TOP1: variants seen among roughly 807,000 people sequenced by gnomAD.
TOP1 encodes DNA topoisomerase I.
In TOP1, 10 loss-of-function variants were observed where a neutral mutation model predicts 111.1. The ratio of observed to expected loss-of-function variants is 0.09; its 90% CI spans 0.06 to 0.15. TOP1 has a LOEUF of 0.15. Ranked by LOEUF, TOP1 falls within the 10% of genes least tolerant of loss-of-function variation. TOP1 has a pLI of 1.00. For missense variants in TOP1, 474 were observed against 926.7 expected (o/e 0.51, Z 6.34); for synonymous variants, 271 against 302.9 (o/e 0.89, Z 1.10).
chr20:41,090,406 A>G (rs1173090435), intron 8 of TOP1, among the ~76,000 whole-genome samples: 1 of 152,172 alleles, frequency 6.6e-6, no homozygotes, highest in African/African-American at 2.4e-5. Flanking sequence ...CCTTTATCAG[A>G]TACATGATTT....
intron 2 of TOP1, among the ~76,000 whole-genome samples, chr20:41,048,420 T>C (rs1043742006): frequency 6.6e-6 from 1 of 152,170 alleles, no homozygotes; most frequent in Non-Finnish European, 1.5e-5. Context: ...AAATTTTCCT[T>C]TTACCTAAAT....
chr20:41,092,553 G>A lies in TOP1; in HGVS notation c.696G>A (p.Glu232=), dbSNP rs1188030229. 1.2e-6 allele frequency: 2 copies of A among 1,600,156 alleles called. No homozygotes were observed. The highest frequency in any genetic ancestry group is 2.7e-5 in the African/African-American group (2 of 74,198). The stretch of plus-strand genomic sequence containing the variant: ...GTCCAGTATTTGCCCCACCATATGA[G>A]CCTCTTCCAGAGAATGTCAAGTTTT... ...HKGPVFAPPY[E]PLPENVKFYY... The change falls in exon 9 of 21, where the codon GAG becomes GAA. Residue 232 remains glutamate (E), a synonymous_variant. Transcript: ENST00000361337. This position sits in a 1 kb window ranked among gnomAD's most constrained non-coding sequence, Gnocchi z 4.3.
At position 41,118,186 on chromosome 20, in the gene TOP1, G is replaced by T; in HGVS notation, c.1840G>T (p.Ala614Ser). The change falls in exon 18 of 21, where the codon GCG becomes TCG. Residue 614 changes from alanine to serine, a missense_variant. Physicochemically the swap from Ala to Ser is moderately conservative, Grantham distance 99. This residue lies in a region of TOP1 where 18 missense variants were observed against 20.5 expected (regional missense o/e 0.88). Transcript: ENST00000361337. The surrounding 1 kb of genome is among the most constrained non-coding windows in gnomAD (Gnocchi z 4.6). ...ELTAPDENIP[A>S]KILSYNRANR... ...CTTTACAGCGGATGAGAACATCCCA[G>T]CGAAGATCCTTTCTTATAACCGTGC... 1 of 1,614,078 alleles carries T rather than the reference G, an allele frequency of 6.2e-7. No homozygotes were observed. The highest frequency in any genetic ancestry group is 8.5e-7 in the Non-Finnish European group (1 of 1,179,940).
In TOP1 at chr20:41,116,110, TC is replaced by T. The variant is rs1241657901; in HGVS notation, c.1708-167del. ...GATTGAAATACTTCATAGAGAGGCA[TC>T]ATGTAACCCTGTATTCTGGAATTCT... On this transcript the variant is annotated intron_variant, in intron 16 of 20. Coordinates refer to ENST00000361337, the MANE Select transcript of TOP1 (RefSeq NM_003286.4). This position sits in a 1 kb window ranked among gnomAD's most constrained non-coding sequence, Gnocchi z 5.6. 1.3e-5 allele frequency among the ~76,000 whole-genome samples: 2 copies of T among 152,168 alleles called. No individual in the cohort carries two copies. The highest frequency in any genetic ancestry group is 2.9e-5 in the Non-Finnish European group (2 of 68,018).
rs946502837 is a variant in TOP1, at chr20:41,114,538, A to G, written c.1638+383A>G. 6.6e-6 allele frequency among the ~76,000 whole-genome samples: 1 copy of G among 152,236 alleles called. No homozygotes were observed. Among genetic ancestry groups the G allele is most frequent in the Non-Finnish European group, 1.5e-5 (1 of 68,042 alleles). On this transcript the variant is annotated intron_variant, in intron 15 of 20. Transcript: ENST00000361337. This position sits in a 1 kb window ranked among gnomAD's most constrained non-coding sequence, Gnocchi z 4.5. Reference sequence around the variant, plus strand: ...GCCCTGTGCTACCTTCCTGGTAAGGAGTGGCCTTCTCCTATAGCAGTATTC... The same window carrying G: ...GCCCTGTGCTACCTTCCTGGTAAGGGGTGGCCTTCTCCTATAGCAGTATTC...
intron 4 of TOP1, among the ~76,000 whole-genome samples, chr20:41,076,581 T>G (rs2033729818): frequency 6.6e-6 from 1 of 152,218 alleles, no homozygotes. Flanking sequence ...GGAGAAGGCC[T>G]AATGCCTTGA....
chr20:41,044,113 C>G (rs1378035219), intron 2 of TOP1, among the ~76,000 whole-genome samples: 2 of 152,002 alleles, frequency 1.3e-5, no homozygotes, highest in Non-Finnish European at 2.9e-5. Flanking sequence ...CCCATCTCTA[C>G]TAAAAATACA....
chr20:41,089,976 G>GT (rs951843129), intron 8 of TOP1, among the ~76,000 whole-genome samples: 48 of 150,900 alleles, frequency 3.2e-4, no homozygotes, highest in East Asian at 1.4e-3. Context: ...ACCCCCACGT[G>GT]TTTTTTTTTG....
intron 8 of TOP1, among the ~76,000 whole-genome samples, chr20:41,089,020 C>CGTTTTTTTTTTTTT (rs2033883300): frequency 1.3e-5 from 1 of 77,926 alleles, no homozygotes; most frequent in African/African-American, 6.3e-5. Flanking sequence ...TGCCCCAGTT[C>CGTTTTTTTTTTTTT]TTTTTTTTTT....
rs1358888158 is a variant in TOP1 at position 41,121,907 on chromosome 20, T to C, written c.2046-99T>C. 13 of 1,562,952 alleles carry C rather than the reference T, an allele frequency of 8.3e-6. No homozygotes were observed. Among genetic ancestry groups the C allele is most frequent in the Admixed American group, 1.8e-5 (1 of 54,748 alleles). The stretch of plus-strand genomic sequence containing the variant: ...CTGAGAAATGTCTTTTGGAAATCTC[T>C]ATACTAGGGCTTTTATTGACTCAAA... On this transcript the variant is annotated intron_variant, in intron 19 of 20. Coordinates refer to ENST00000361337, the MANE Select transcript of TOP1 (RefSeq NM_003286.4). The surrounding 1 kb of genome is among the most constrained non-coding windows in gnomAD (Gnocchi z 4.2).
chr20:41,081,659 G>A (rs2033790289), intron 7 of TOP1, among the ~76,000 whole-genome samples: 1 of 152,034 alleles, frequency 6.6e-6, no homozygotes, highest in African/African-American at 2.4e-5. Flanking sequence ...TCTTTAATGG[G>A]TACCCCTTTG....
chr20:41,101,130 A>T lies in TOP1; in HGVS notation c.1164-79A>T. The T allele has an allele frequency of 6.7e-7, 1 of 1,496,434 alleles. No homozygotes were observed. The highest frequency in any genetic ancestry group is 9.2e-7 in the Non-Finnish European group (1 of 1,081,818). 92.7% of individuals were successfully genotyped at this position (1,496,434 alleles called of 1,614,324 possible). ...AAACTTGGAAAATTATGCTCAGCAG[A>T]TAGGTCCACTTGGGGTCATGAAAGG... is the stretch of plus-strand genomic sequence containing the variant. On this transcript the variant is annotated intron_variant, in intron 12 of 20. Coordinates refer to ENST00000361337, the MANE Select transcript of TOP1 (RefSeq NM_003286.4). The surrounding 1 kb of genome is among the most constrained non-coding windows in gnomAD (Gnocchi z 4.1).
At chr20:41,084,410 A>G (rs1405620228) in intron 7 of TOP1, 52 bp from the exon 8 acceptor site, 1 of 1,193,294 alleles carries the variant, frequency 8.4e-7, no homozygotes, top group African/African-American at 1.6e-5. Context: ...AACTGCCTCC[A>G]GAAGTGTGAT....
rs555967120 is a variant in TOP1, at chr20:41,100,464, C to T, written c.1163+221C>T. On this transcript the variant is annotated intron_variant, in intron 12 of 20. Transcript: ENST00000361337. The surrounding 1 kb of genome is among the most constrained non-coding windows in gnomAD (Gnocchi z 4.4). ...GACCCCCAGTGGATGCCTGCAACTT[C>T]GACCCAATTGCTGTCACTTGGAACA... Among the ~76,000 whole-genome samples the T allele has an allele frequency of 3.9e-5, 6 of 152,252 alleles. No individual in the cohort carries two copies. Among genetic ancestry groups the T allele is most frequent in the East Asian group, 3.9e-4 (2 of 5,182 alleles).
Position 41,123,119 on chromosome 20 carries a change from C to A in TOP1, c.2196-76C>A. 1 of 924,558 alleles carries A rather than the reference C, an allele frequency of 1.1e-6. No individual in the cohort carries two copies. Among genetic ancestry groups the A allele is most frequent in the Non-Finnish European group, 1.8e-6 (1 of 569,990 alleles). The allele number at this position is 924,558 out of a possible 1,614,324, so 57.3% of individuals were successfully genotyped here. A position where few individuals can be genotyped will look rare whatever the true frequency, so the allele number is the denominator to read the frequency against. On this transcript the variant is annotated intron_variant, in intron 20 of 20. Transcript: ENST00000361337. This position sits in a 1 kb window ranked among gnomAD's most constrained non-coding sequence, Gnocchi z 5.8. Reference sequence around the variant, plus strand: ...GACAGATGTGAAAGAGAAGATGGAACATCTGACCCTGGGCCTCAGATATGG... The same window carrying A: ...GACAGATGTGAAAGAGAAGATGGAAAATCTGACCCTGGGCCTCAGATATGG...
rs1173155675 is a variant in TOP1 at position 41,058,739 on chromosome 20, TAACA to T, written c.59-2649_59-2646del. 9.2e-5 allele frequency among the ~76,000 whole-genome samples: 14 copies of T among 151,986 alleles called. No individual in the cohort carries two copies. Among genetic ancestry groups the T allele is most frequent in the Non-Finnish European group, 1.9e-4 (13 of 68,002 alleles). ...AGGCTATACCTCTTGAAAAGCGGAG[TAACA>T]AACAATCTTATAGTCAAGATTGTGT... On this transcript the variant is annotated intron_variant, in intron 2 of 20. Transcript: ENST00000361337. The surrounding 1 kb of genome is among the most constrained non-coding windows in gnomAD (Gnocchi z 4.2).
In TOP1 at chr20:41,116,909, G is replaced by A. The variant is rs2034339463; in HGVS notation, c.1822+517G>A. ...CACTATTGAATTTCCACTGCCCTCT[G>A]TAAATACATCAGATGGCCTTAGAAT... On this transcript the variant is annotated intron_variant, in intron 17 of 20. Coordinates refer to ENST00000361337, the MANE Select transcript of TOP1 (RefSeq NM_003286.4). This position sits in a 1 kb window ranked among gnomAD's most constrained non-coding sequence, Gnocchi z 5.6. Among the ~76,000 whole-genome samples, 1 of 151,988 alleles carries A rather than the reference G, an allele frequency of 6.6e-6. No homozygotes were observed. The highest frequency in any genetic ancestry group is 6.5e-5 in the Admixed American group (1 of 15,272).
chr20:41,057,516 G>GTACAC (rs2033489103), intron 2 of TOP1, among the ~76,000 whole-genome samples: 1 of 151,974 alleles, frequency 6.6e-6, no homozygotes, highest in Admixed American at 6.6e-5. Flanking sequence ...ATTTTCCTAT[G>GTACAC]TACACTAGTA....
intron 2 of TOP1, among the ~76,000 whole-genome samples, chr20:41,039,681 G>A (rs1176093631): frequency 6.6e-6 from 1 of 152,100 alleles, no homozygotes; most frequent in Non-Finnish European, 1.5e-5. Context: ...GGCCGAGGCG[G>A]GCGGATCACG....
Sources: allele counts gnomAD v4.1 joint callset (sites outside exome capture counted in the v4.1 genomes callset), GRCh38; gene constraint gnomAD v4.1.1; regional missense constraint gnomAD v4.1.1; non-coding constraint Gnocchi (gnomAD v3.1); transcripts MANE v1.5; gene names NCBI Gene and HGNC (gene_info 2026-07-23, HGNC 2026-07-21).